Variants in PI4KA observed in about 807,000 individuals in gnomAD.
PI4KA encodes phosphatidylinositol 4-kinase alpha, also known as PI4-kinase alpha.
PI4KA carries 122 observed loss-of-function variants against 271.4 expected under a neutral mutation model. That is an observed-to-expected ratio of 0.45 (90% CI 0.39 to 0.52). PI4KA has a LOEUF of 0.52. PI4KA is among the 20% of genes least tolerant of loss of function. The probability of loss-of-function intolerance (pLI) is 0.00; values close to 1 mark genes in which losing one functional copy is unlikely to be tolerated. For synonymous variants in PI4KA, 1,041 were observed against 1,078.8 expected (o/e 0.96, Z 0.69); for missense variants, 1,969 against 2,769.1 (o/e 0.71, Z 6.48).
intron 17 of PI4KA, among the ~76,000 whole-genome samples, chr22:20,798,144 T>C (rs934733430): frequency 6.6e-6 from 1 of 152,228 alleles, no homozygotes; most frequent in Admixed American, 6.5e-5. Flanking sequence ...CAGAGATATG[T>C]AGCTGTTAGG....
rs146890521 is a variant in PI4KA at position 20,781,009 on chromosome 22, T to C, written c.2328+12184A>G. 4.6e-5 allele frequency among the ~76,000 whole-genome samples: 7 copies of C among 152,308 alleles called. No individual in the cohort carries two copies. In the South Asian group the frequency reaches 1.0e-3, roughly 23 times the overall value. ...GCTAAAGAAATGCACCTGTGAACTA[T>C]TCAGCTTGAGCAGCTGACATTGACA... On this transcript the variant is annotated intron_variant, in intron 19 of 54. Transcript: ENST00000255882.
At chr22:20,732,812 C>A (rs2147247884) in intron 36 of PI4KA, among the ~76,000 whole-genome samples, 159 bp downstream of exon 36, 1 of 152,312 alleles carries the variant, frequency 6.6e-6, no homozygotes, top group Non-Finnish European at 1.5e-5. Flanking sequence ...CAGAGCCAGG[C>A]ATGCACCGGC....
At chr22:20,836,550 G>A (rs1924893650) in intron 2 of PI4KA, among the ~76,000 whole-genome samples, 1 of 152,158 alleles carries the variant, frequency 6.6e-6, no homozygotes, top group East Asian at 1.9e-4. Context: ...AGCACAGGGT[G>A]AGTAAAACCA....
chr22:20,729,637 G>A lies in PI4KA; in HGVS notation c.4483C>T (p.Leu1495=). 2.5e-6 allele frequency: 4 copies of A among 1,569,046 alleles called. No homozygotes were observed. The highest frequency in any genetic ancestry group is 1.2e-5 in the South Asian group (1 of 86,030). The change falls in exon 38 of 55, where the codon CTG becomes TTG. Residue 1495 remains leucine (L), a synonymous_variant. Transcript: ENST00000255882. ...YMKRRTLLLS[L]LATEIERLIT... is the part of the protein sequence containing the mutation. ...GCTGCACCTGTGGGCCTTACCAGCA[G>A]GGACAGCAGCAGCGTCCTGCGCTTC...
rs374245029 is a variant in PI4KA, at chr22:20,799,143, G to A, written c.1954C>T (p.Leu652Phe). 2.2e-5 allele frequency: 36 copies of A among 1,612,528 alleles called. No individual in the cohort carries two copies. In the African/African-American group the frequency reaches 2.3e-4, roughly 10 times the overall value. Residue 652 changes from leucine (L) to phenylalanine (F), a missense_variant, in exon 16 of 55, where the codon CTC becomes TTC. Coordinates refer to ENST00000255882, the MANE Select transcript of PI4KA (RefSeq NM_058004.4). ...QQKFCQPPSP[L>F]DVLIIDQLGC... ...AGCTGGTCAATAATCAGCACATCGA[G>A]GGGGGAGGGTGGCTGGCAGAATTTC... is the stretch of plus-strand genomic sequence containing the variant.
intron 3 of PI4KA, among the ~76,000 whole-genome samples, chr22:20,832,457 G>A (rs578259761): frequency 6.8e-6 from 1 of 147,866 alleles, no homozygotes; most frequent in African/African-American, 2.5e-5. Context: ...AGCTCAGTTT[G>A]GTTGTTTTCT....
intron 53 of PI4KA, among the ~76,000 whole-genome samples, chr22:20,709,669 C>T (rs576885987): frequency 2.3e-5 from 2 of 85,412 alleles, no homozygotes; most frequent in Non-Finnish European, 5.0e-5. Context: ...GTGGGTTGGG[C>T]GTAGCATCCT....
chr22:20,738,995 G>A (rs1929060584), intron 32 of PI4KA, among the ~76,000 whole-genome samples: 1 of 129,266 alleles, frequency 7.7e-6, no homozygotes, highest in African/African-American at 2.9e-5. Context: ...AAGGTCAGGA[G>A]ATCGAGACCA....
intron 32 of PI4KA, among the ~76,000 whole-genome samples, chr22:20,738,872 C>T (rs899426815): frequency 6.6e-6 from 1 of 151,904 alleles, no homozygotes; most frequent in African/African-American, 2.4e-5. Flanking sequence ...CCTGCCAAGA[C>T]CAGCTATTGA....
chr22:20,727,926 C>T, intron 39 of PI4KA, 62 bp from the exon 40 acceptor site: 1 of 1,273,060 alleles, frequency 7.9e-7, no homozygotes. Context: ...TCTCCCACCA[C>T]ACTGGAGTGA....
chr22:20,849,983 G>A (rs1260476031), intron 1 of PI4KA, among the ~76,000 whole-genome samples: 1 of 152,210 alleles, frequency 6.6e-6, no homozygotes, highest in Non-Finnish European at 1.5e-5. Flanking sequence ...GATGGGGCTG[G>A]TAGGGCTGCA....
At chr22:20,799,494 C>G (rs1286764938) in intron 15 of PI4KA, among the ~76,000 whole-genome samples, 177 bp downstream of exon 15, 2 of 152,150 alleles carry the variant, frequency 1.3e-5, no homozygotes, top group Admixed American at 6.5e-5. Context: ...ACACAGTGGT[C>G]CAGGAAGTAC....
intron 52 of PI4KA, 140 bp downstream of exon 52, chr22:20,710,559 C>A: frequency 4.1e-6 from 3 of 738,592 alleles, no homozygotes; most frequent in Non-Finnish European, 4.5e-6. Context: ...ACAGAGGTGA[C>A]CAAAGGACAG....
At chr22:20,731,218 C>A (rs536468232) in intron 36 of PI4KA, among the ~76,000 whole-genome samples, 1 of 152,084 alleles carries the variant, frequency 6.6e-6, no homozygotes, top group African/African-American at 2.4e-5. Context: ...AAACAAATAT[C>A]ATAATTTTCT....
intron 32 of PI4KA, among the ~76,000 whole-genome samples, chr22:20,739,039 A>T (rs1468216283): frequency 2.8e-5 from 2 of 72,126 alleles, no homozygotes; most frequent in Non-Finnish European, 6.7e-5. Context: ...CTCAGTCACA[A>T]AAAAAAAAAA....
chr22:20,743,821 G>C lies in PI4KA; in HGVS notation c.3456+807C>G, dbSNP rs372141041. Among the ~76,000 whole-genome samples, 367 of 152,092 alleles carry C rather than the reference G, an allele frequency of 2.4e-3. 1 individual carries two copies. Among genetic ancestry groups the C allele is most frequent in the Middle Eastern group, 0.01 (3 of 294 alleles). ...TGTAATCCCAGCAGTTTGGGAGGCC[G>C]AGGCGGGCAGATCATGAGGTCAGGA... On this transcript the variant is annotated intron_variant, in intron 30 of 54. Coordinates refer to ENST00000255882, the MANE Select transcript of PI4KA (RefSeq NM_058004.4).
intron 42 of PI4KA, 67 bp downstream of exon 42, chr22:20,726,419 GAC>G (rs1927353148): frequency 7.3e-7 from 1 of 1,372,520 alleles, no homozygotes; most frequent in Non-Finnish European, 9.6e-7. Context: ...GCTGGGGACA[GAC>G]CGGGCACAAG....
intron 9 of PI4KA, among the ~76,000 whole-genome samples, chr22:20,808,151 G>A (rs541799223): frequency 1.3e-5 from 2 of 152,062 alleles, no homozygotes; most frequent in South Asian, 2.1e-4. Context: ...TTAGCTGGGC[G>A]TGGTGGTACA....
intron 3 of PI4KA, 57 bp downstream of exon 3, chr22:20,834,505 A>G: frequency 2.0e-6 from 2 of 1,024,808 alleles, no homozygotes; most frequent in Non-Finnish European, 3.1e-6. Flanking sequence ...TTGATCCTAC[A>G]GACACTGAAC....
Sources: gnomAD v4.1 joint callset for allele counts (sites outside exome capture counted in the v4.1 genomes callset) on GRCh38, gnomAD v4.1.1 for gene constraint, MANE v1.5 for transcripts, NCBI Gene and HGNC (gene_info 2026-07-23, HGNC 2026-07-21) for gene names.